Variants in PEMT observed in about 807,000 individuals in gnomAD.
PEMT encodes the protein phosphatidylethanolamine N-methyltransferase.
PEMT carries 23 observed loss-of-function variants against 27.4 expected under a neutral mutation model. The observed-to-expected ratio is 0.84, with a 90% confidence interval of 0.60 to 1.19. The LOEUF (loss-of-function observed/expected upper bound fraction) is 1.19. Ranked by LOEUF, PEMT falls within the 50% of genes most tolerant of loss-of-function variation. The pLI, the probability that PEMT is intolerant of heterozygous loss-of-function variation, is 0.00. For missense variants in PEMT, 307 were observed against 310.1 expected (o/e 0.99, Z 0.07); for synonymous variants, 137 against 139.1 (o/e 0.98, Z 0.11).
intron 1 of PEMT, among the ~76,000 whole-genome samples, chr17:17,580,540 T>TG (rs894819827): frequency 6.6e-6 from 1 of 152,020 alleles, no homozygotes; most frequent in South Asian, 2.1e-4. Context: ...GACAGCCTGG[T>TG]GGGGGGAGGG....
intron 1 of PEMT, among the ~76,000 whole-genome samples, chr17:17,585,434 A>T (rs1260199545): frequency 6.6e-6 from 1 of 152,202 alleles, no homozygotes; most frequent in Non-Finnish European, 1.5e-5. Context: ...AGTTCTTGTT[A>T]GGGCCCTCCA....
chr17:17,542,486 C>T (rs1908960446), intron 2 of PEMT, among the ~76,000 whole-genome samples: 1 of 152,214 alleles, frequency 6.6e-6, no homozygotes, highest in African/African-American at 2.4e-5. Flanking sequence ...CCGCCACCTC[C>T]AACTACCCTC....
intron 2 of PEMT, among the ~76,000 whole-genome samples, chr17:17,535,061 C>A (rs1463817481): frequency 1.3e-5 from 2 of 151,924 alleles, no homozygotes; most frequent in Non-Finnish European, 2.9e-5. Flanking sequence ...CAGGTGTGCG[C>A]CCCTATGCCT....
intron 3 of PEMT, among the ~76,000 whole-genome samples, chr17:17,515,810 A>C (rs1468774849): frequency 6.6e-6 from 1 of 152,208 alleles, no homozygotes; most frequent in Non-Finnish European, 1.5e-5. Flanking sequence ...AGTATTCCGC[A>C]CTAGGGGTGG....
chr17:17,592,109 G>A, upstream of PEMT: 20 of 985,186 alleles, frequency 2.0e-5, no homozygotes, highest in Non-Finnish European at 2.3e-5. Context: ...CACGCCCAGG[G>A]CCCCACGCCC....
At chr17:17,589,633 C>T (rs1423555199) in intron 1 of PEMT, among the ~76,000 whole-genome samples, 3 of 152,174 alleles carry the variant, frequency 2.0e-5, no homozygotes, top group South Asian at 2.1e-4. Context: ...GCAGCTCAGA[C>T]GCCCATGGGG....
intron 2 of PEMT, among the ~76,000 whole-genome samples, chr17:17,531,621 C>CAAAAAAAAAA (rs58165466): frequency 9.0e-4 from 56 of 62,406 alleles, no homozygotes; most frequent in South Asian, 1.9e-3. Flanking sequence ...CTATCATATG[C>CAAAAAAAAAA]AAAAAAAAAA....
At chr17:17,551,081 G>A (rs1340443880) in intron 2 of PEMT, among the ~76,000 whole-genome samples, 1 of 152,210 alleles carries the variant, frequency 6.6e-6, no homozygotes, top group Non-Finnish European at 1.5e-5. Context: ...ATCAGTGGGA[G>A]AACGGGTGCA....
intron 3 of PEMT, among the ~76,000 whole-genome samples, chr17:17,515,808 G>A (rs912210059): frequency 6.6e-6 from 1 of 152,174 alleles, no homozygotes; most frequent in Non-Finnish European, 1.5e-5. Flanking sequence ...GAAGTATTCC[G>A]CACTAGGGGT....
At chr17:17,564,081 G>A (rs983811400) in intron 2 of PEMT, among the ~76,000 whole-genome samples, 1 of 152,202 alleles carries the variant, frequency 6.6e-6, no homozygotes, top group Non-Finnish European at 1.5e-5. Context: ...GGTTTTGAGA[G>A]CAATCCCACC....
At chr17:17,572,699 T>A (rs1050332950) in intron 2 of PEMT, among the ~76,000 whole-genome samples, 5 of 152,228 alleles carry the variant, frequency 3.3e-5, no homozygotes, top group Non-Finnish European at 7.3e-5. Context: ...GCCGGGATGG[T>A]GCCCAGCGCA....
At chr17:17,541,507 C>T (rs988612190) in intron 2 of PEMT, among the ~76,000 whole-genome samples, 12 of 152,244 alleles carry the variant, frequency 7.9e-5, no homozygotes, top group Non-Finnish European at 1.3e-4. Context: ...TGGGCAGGCT[C>T]GGACATGGCG....
chr17:17,572,252 G>A (rs565501342), intron 2 of PEMT, among the ~76,000 whole-genome samples: 8 of 152,324 alleles, frequency 5.3e-5, no homozygotes, highest in African/African-American at 1.4e-4. Context: ...CTCCACCTTT[G>A]TCTCTTCTCC....
At chr17:17,586,691 G>A (rs542079157) in intron 1 of PEMT, among the ~76,000 whole-genome samples, 93 of 152,252 alleles carry the variant, frequency 6.1e-4, no homozygotes, top group Middle Eastern at 6.8e-3. Context: ...AGGAATATAA[G>A]CTTTGCCCTT....
chr17:17,566,022 C>T (rs1358514685), intron 2 of PEMT, among the ~76,000 whole-genome samples: 1 of 152,226 alleles, frequency 6.6e-6, no homozygotes, highest in Non-Finnish European at 1.5e-5. Context: ...CAAAGTGGGG[C>T]AGAGGCTGCT....
intron 1 of PEMT, among the ~76,000 whole-genome samples, chr17:17,590,207 T>C (rs758986738): frequency 1.4e-4 from 22 of 152,228 alleles, no homozygotes; most frequent in Non-Finnish European, 3.2e-4. Context: ...CTCATCTGAC[T>C]GCATGTTGTA....
At chr17:17,589,763 G>GTTTC (rs938493693) in intron 1 of PEMT, among the ~76,000 whole-genome samples, 1 of 152,304 alleles carries the variant, frequency 6.6e-6, no homozygotes, top group East Asian at 1.9e-4. Context: ...TATGTTGTAT[G>GTTTC]TTTCTTTCTT....
intron 2 of PEMT, among the ~76,000 whole-genome samples, chr17:17,537,063 G>A (rs957945559): frequency 8.5e-5 from 13 of 152,236 alleles, no homozygotes; most frequent in African/African-American, 2.2e-4. Flanking sequence ...CTCCACTGAC[G>A]GGTCCCACTG....
chr17:17,517,888 G>A (rs1452556003), intron 3 of PEMT: 2 of 751,864 alleles, frequency 2.7e-6, no homozygotes, highest in Non-Finnish European at 3.2e-6. Context: ...CTTCAGCCAG[G>A]GCTCCGCCTG....
Sources: allele counts gnomAD v4.1 joint callset (sites outside exome capture counted in the v4.1 genomes callset), GRCh38; gene constraint gnomAD v4.1.1; transcripts MANE v1.5; gene names NCBI Gene and HGNC (gene_info 2026-07-23, HGNC 2026-07-21).